BRD10: variants seen among roughly 807,000 people sequenced by gnomAD.
The protein encoded by BRD10 is bromodomain containing 10.
the BRD10 span, among the ~76,000 whole-genome samples, chr9:5,923,852 A>G: frequency 7.2e-5 from 11 of 152,238 alleles, no homozygotes; most frequent in East Asian, 2.1e-3. Flanking sequence ...TTAATTTGCC[A>G]AAGATGGAAA....
chr9:5,908,569 T>G, the BRD10 span: 1 of 1,314,034 alleles, frequency 7.6e-7, no homozygotes, highest in Non-Finnish European at 1.1e-6. Context: ...GTTAACTATT[T>G]TAACTTAATC....
chr9:5,902,290 T>C, the BRD10 span, among the ~76,000 whole-genome samples: 3 of 152,240 alleles, frequency 2.0e-5, no homozygotes, highest in African/African-American at 4.8e-5. Context: ...TTTGTGAGCA[T>C]AGTTCATAGT....
At chr9:6,004,044 C>T in the BRD10 span, among the ~76,000 whole-genome samples, 2 of 152,142 alleles carry the variant, frequency 1.3e-5, no homozygotes, top group Non-Finnish European at 2.9e-5. Context: ...GTTCAGCATT[C>T]GGAATGCCCC....
At chr9:5,926,066 C>T in the BRD10 span, among the ~76,000 whole-genome samples, 15 of 152,038 alleles carry the variant, frequency 9.9e-5, no homozygotes, top group East Asian at 1.9e-4. Flanking sequence ...TACAGACACG[C>T]GCCACCACAA....
the BRD10 span, among the ~76,000 whole-genome samples, chr9:5,998,927 C>G: frequency 6.6e-6 from 1 of 151,918 alleles, no homozygotes; most frequent in African/African-American, 2.4e-5. Flanking sequence ...CCTTGAAATA[C>G]TATCATATTT....
At chr9:5,973,475 A>T in the BRD10 span, among the ~76,000 whole-genome samples, 1 of 152,232 alleles carries the variant, frequency 6.6e-6, no homozygotes, top group African/African-American at 2.4e-5. Context: ...TCAAAAAATA[A>T]TACTAATACT....
At chr9:5,946,375 T>C in the BRD10 span, among the ~76,000 whole-genome samples, 1 of 152,018 alleles carries the variant, frequency 6.6e-6, no homozygotes, top group African/African-American at 2.4e-5. Context: ...GTGTAGCTGG[T>C]ATTTATTAGA....
the BRD10 span, among the ~76,000 whole-genome samples, chr9:5,987,095 G>A: frequency 2.0e-5 from 3 of 152,104 alleles, no homozygotes; most frequent in African/African-American, 7.2e-5. Context: ...CTGTGCCTCA[G>A]GATAAATGCT....
At chr9:5,919,826 G>A in the BRD10 span, 1 of 1,613,906 alleles carries the variant, frequency 6.2e-7, no homozygotes, top group Non-Finnish European at 8.5e-7. Flanking sequence ...AGTATTTATG[G>A]TATTCAAAAT....
At chr9:5,991,724 TAA>T in the BRD10 span, among the ~76,000 whole-genome samples, 7,412 of 117,908 alleles carry the variant, frequency 0.063, 407 homozygotes, top group African/African-American at 0.16. Flanking sequence ...GACTCTGTCT[TAA>T]AAAAAAAAAA....
At chr9:5,897,614 T>C in the BRD10 span, 3 of 1,613,824 alleles carry the variant, frequency 1.9e-6, no homozygotes, top group Non-Finnish European at 2.5e-6. Context: ...TCATCGGCTG[T>C]TGGTATTGTA....
the BRD10 span, among the ~76,000 whole-genome samples, chr9:5,945,681 C>A: frequency 6.6e-6 from 1 of 151,870 alleles, no homozygotes; most frequent in Admixed American, 6.6e-5. Context: ...GAACTGTCAA[C>A]AACAGTAACA....
chr9:5,960,587 A>T, the BRD10 span, among the ~76,000 whole-genome samples: 3 of 151,852 alleles, frequency 2.0e-5, no homozygotes, highest in East Asian at 5.8e-4. Context: ...AGAAAAGAAA[A>T]GACAATAATG....
chr9:5,914,645 G>A, the BRD10 span, among the ~76,000 whole-genome samples: 5 of 151,760 alleles, frequency 3.3e-5, no homozygotes, highest in African/African-American at 1.2e-4. Context: ...GGATGGTCTC[G>A]ATCTCCTGAC....
the BRD10 span, among the ~76,000 whole-genome samples, chr9:5,932,979 C>A: frequency 6.6e-6 from 1 of 152,094 alleles, no homozygotes; most frequent in Non-Finnish European, 1.5e-5. Context: ...ACAGCAAGTT[C>A]TTCTGTCTTC....
chr9:5,901,550 A>T, the BRD10 span, among the ~76,000 whole-genome samples: 3 of 151,926 alleles, frequency 2.0e-5, no homozygotes, highest in Admixed American at 6.6e-5. Flanking sequence ...ATGGGGTCTC[A>T]TTCTGTCACC....
At chr9:5,954,616 A>T in the BRD10 span, among the ~76,000 whole-genome samples, 1 of 152,194 alleles carries the variant, frequency 6.6e-6, no homozygotes, top group African/African-American at 2.4e-5. Flanking sequence ...CCTTGGCGGT[A>T]TCAATACCCA....
the BRD10 span, among the ~76,000 whole-genome samples, chr9:5,913,087 T>C: frequency 1.3e-5 from 2 of 152,186 alleles, no homozygotes; most frequent in African/African-American, 4.8e-5. Context: ...CTGATTGTTT[T>C]TATAGTAAAG....
At chr9:5,918,851 A>C in the BRD10 span, among the ~76,000 whole-genome samples, 1 of 151,788 alleles carries the variant, frequency 6.6e-6, no homozygotes, top group Non-Finnish European at 1.5e-5. Flanking sequence ...TCTGAAACAC[A>C]AGATTTAAGT....
Sources: allele counts gnomAD v4.1 joint callset (sites outside exome capture counted in the v4.1 genomes callset), GRCh38; gene constraint gnomAD v4.1.1; transcripts MANE v1.5; gene names NCBI Gene and HGNC (gene_info 2026-07-23, HGNC 2026-07-21).